The following PCDHA1 variants were observed in gnomAD, a reference collection of about 807,000 sequenced individuals.
The protein encoded by PCDHA1 is protocadherin alpha 1.
PCDHA1 carries 42 observed loss-of-function variants against 61.3 expected under a neutral mutation model. The observed-to-expected ratio is 0.69, with a 90% CI of 0.54 to 0.89. The LOEUF (loss-of-function observed/expected upper bound fraction) is 0.89, where lower values mean the gene tolerates loss of function less well. Among genes scored for constraint, PCDHA1 ranks in the 40% least tolerant of loss-of-function variants. The pLI, the probability that PCDHA1 is intolerant of heterozygous loss-of-function variation, is 0.00. For missense variants in PCDHA1, 1,256 were observed against 1,235.3 expected (o/e 1.02, Z -0.25); for synonymous variants, 610 against 553.8 (o/e 1.10, Z -1.43).
intron 1 of PCDHA1, among the ~76,000 whole-genome samples, chr5:140,975,429 C>T (rs1006180121): frequency 2.6e-5 from 4 of 152,208 alleles, no homozygotes; most frequent in African/African-American, 9.6e-5. Flanking sequence ...AGGGTGTGCA[C>T]ACCAGGATAT....
chr5:140,962,014 G>C (rs2095650512), intron 1 of PCDHA1, among the ~76,000 whole-genome samples: 1 of 151,888 alleles, frequency 6.6e-6, no homozygotes, highest in African/African-American at 2.4e-5. Flanking sequence ...TTCCCGAGTA[G>C]CTGGGACTAC....
intron 1 of PCDHA1, among the ~76,000 whole-genome samples, chr5:140,911,424 T>C (rs1180624921): frequency 6.6e-6 from 1 of 152,168 alleles, no homozygotes; most frequent in Non-Finnish European, 1.5e-5. Context: ...TAAGAACTTG[T>C]GTCCAATTTC....
chr5:140,850,739 G>A, intron 1 of PCDHA1: 2 of 1,598,040 alleles, frequency 1.3e-6, no homozygotes, highest in Non-Finnish European at 1.7e-6. Context: ...TGGGGAGTTG[G>A]TCGTACTCGC....
chr5:140,809,278 C>T (rs868946877), intron 1 of PCDHA1: 5 of 1,613,996 alleles, frequency 3.1e-6, no homozygotes, highest in Non-Finnish European at 4.2e-6. Context: ...TGGATGTCAA[C>T]GTATACCTGA....
chr5:140,910,519 G>A (rs187918127), intron 1 of PCDHA1, among the ~76,000 whole-genome samples: 18 of 152,218 alleles, frequency 1.2e-4, no homozygotes, highest in Non-Finnish European at 2.5e-4. Context: ...AAGGATGCAG[G>A]TACTCCCCTC....
chr5:140,966,886 G>T, intron 1 of PCDHA1: 1 of 1,592,132 alleles, frequency 6.3e-7, no homozygotes. Context: ...CTGGCCCTGC[G>T]GCCTCCCAGC....
At chr5:140,937,769 G>C (rs908179495) in intron 1 of PCDHA1, among the ~76,000 whole-genome samples, 1 of 151,776 alleles carries the variant, frequency 6.6e-6, no homozygotes, top group Non-Finnish European at 1.5e-5. Context: ...AAAATTAGTC[G>C]GGCGTGGTGG....
At chr5:141,007,991 A>G (rs1276879326) in intron 3 of PCDHA1, among the ~76,000 whole-genome samples, 1 of 152,234 alleles carries the variant, frequency 6.6e-6, no homozygotes, top group Non-Finnish European at 1.5e-5. Context: ...TATGAAATGT[A>G]CATGTTAATA....
Position 140,786,464 on chromosome 5 carries a change from G to A in PCDHA1, c.174G>A (p.Glu58=). ...VAQDLGLELA[E]LVPRLFRVAS... Reference sequence around the variant, plus strand: ...AGGACCTGGGACTGGAGCTGGCGGAGCTGGTGCCTCGCCTGTTCCGGGTGG... The same window carrying A: ...AGGACCTGGGACTGGAGCTGGCGGAACTGGTGCCTCGCCTGTTCCGGGTGG... The change falls in exon 1 of 4, where the codon GAG becomes GAA. Residue 58 remains glutamate, a synonymous_variant. Coordinates refer to ENST00000504120, the MANE Select transcript of PCDHA1 (RefSeq NM_018900.4). The A allele has an allele frequency of 1.9e-6, 3 of 1,613,632 alleles. No homozygotes were observed. The highest frequency in any genetic ancestry group is 2.2e-5 in the East Asian group (1 of 44,890).
At chr5:140,945,569 A>C (rs575302416) in intron 1 of PCDHA1, among the ~76,000 whole-genome samples, 2 of 152,256 alleles carry the variant, frequency 1.3e-5, no homozygotes, top group South Asian at 4.1e-4. Context: ...ACATCATACT[A>C]CCTGGCTTCA....
At chr5:140,871,677 T>C in intron 1 of PCDHA1, 1 of 1,122,130 alleles carries the variant, frequency 8.9e-7, no homozygotes, top group Non-Finnish European at 1.2e-6. Flanking sequence ...TTTAATCATA[T>C]GAATAATCTG....
chr5:140,856,399 T>G (rs782023286), intron 1 of PCDHA1: 1 of 1,598,492 alleles, frequency 6.3e-7, no homozygotes, highest in Non-Finnish European at 8.6e-7. Flanking sequence ...AGGTTTTCCA[T>G]GTGGACGTGG....
At chr5:140,807,592 A>T in intron 1 of PCDHA1, 2 of 1,613,950 alleles carry the variant, frequency 1.2e-6, no homozygotes, top group Non-Finnish European at 1.7e-6. Flanking sequence ...TGTTCCCAGC[A>T]ACACAAAAGA....
At chr5:140,801,526 T>C in intron 1 of PCDHA1, 2 of 1,614,202 alleles carry the variant, frequency 1.2e-6, no homozygotes, top group Middle Eastern at 1.7e-4. Flanking sequence ...GAGGTGATCG[T>C]GGACAGGCCG....
chr5:140,877,081 G>T (rs201590988), intron 1 of PCDHA1: 2 of 1,613,120 alleles, frequency 1.2e-6, no homozygotes, highest in Non-Finnish European at 1.7e-6. Flanking sequence ...CCAGGTGAGC[G>T]CGCGCGACGC....
At chr5:140,979,150 C>T (rs1470916466) in intron 2 of PCDHA1, 143 bp downstream of exon 2, 4 of 1,435,458 alleles carry the variant, frequency 2.8e-6, no homozygotes, top group Middle Eastern at 3.7e-4. Context: ...ATTTTGTCCC[C>T]ATGTTTATTC....
chr5:140,803,162 T>C (rs782318997), intron 1 of PCDHA1: 1 of 1,613,856 alleles, frequency 6.2e-7, no homozygotes, highest in Non-Finnish European at 8.5e-7. Context: ...AGGACCACGG[T>C]GAACCCTCAT....
At chr5:140,870,030 T>C (rs782502508) in intron 1 of PCDHA1, 4 of 1,613,662 alleles carry the variant, frequency 2.5e-6, no homozygotes, top group Admixed American at 1.7e-5. Context: ...CTTTAGATTA[T>C]GAAGAAAACA....
chr5:140,788,180 GA>G lies in PCDHA1; in HGVS notation c.1891del (p.Ile631SerfsTer20). 2 of 1,614,060 alleles carry G rather than the reference GA, an allele frequency of 1.2e-6. No individual in the cohort carries two copies. Among genetic ancestry groups the G allele is most frequent in the Non-Finnish European group, 1.7e-6 (2 of 1,179,930 alleles). ...PFRVGLYTGE[I>X]STTRVLDEAD... Reference sequence around the variant, plus strand: ...TCCGCGTGGGGCTGTACACGGGCGAGATCAGCACGACTCGTGTCCTGGACGA... The same window carrying G: ...TCCGCGTGGGGCTGTACACGGGCGAGTCAGCACGACTCGTGTCCTGGACGA... On this transcript the variant is annotated frameshift_variant, in exon 1 of 4. Transcript: ENST00000504120. LOFTEE classifies it high-confidence loss of function.
Sources: allele counts gnomAD v4.1 joint callset (sites outside exome capture counted in the v4.1 genomes callset), GRCh38; gene constraint gnomAD v4.1.1; transcripts MANE v1.5; gene names NCBI Gene and HGNC (gene_info 2026-07-23, HGNC 2026-07-21).